PLCL1: variants seen among roughly 807,000 people sequenced by gnomAD.
PLCL1 encodes the protein phospholipase C like 1 (inactive).
Under a neutral mutation model 84.4 loss-of-function variants are expected in PLCL1, and 41 were observed. That is an observed-to-expected ratio of 0.49 (90% CI 0.38 to 0.63). The LOEUF is 0.63. Among genes scored for constraint, PLCL1 ranks in the 30% least tolerant of loss-of-function variants. The probability of loss-of-function intolerance (pLI) is 0.00; values close to 1 mark genes in which losing one functional copy is unlikely to be tolerated. For missense variants in PLCL1, 1,206 were observed against 1,367.8 expected (o/e 0.88, Z 1.87); for synonymous variants, 490 against 488.3 (o/e 1.00, Z -0.05).
intron 1 of PLCL1, among the ~76,000 whole-genome samples, chr2:197,952,260 T>C (rs1689403356): frequency 6.6e-6 from 1 of 152,186 alleles, no homozygotes; most frequent in South Asian, 2.1e-4. Context: ...TCTAGACTTT[T>C]AACTTTATTT....
intron 1 of PLCL1, among the ~76,000 whole-genome samples, chr2:198,053,947 CA>C (rs1357240840): frequency 1.3e-5 from 2 of 152,134 alleles, no homozygotes; most frequent in African/African-American, 2.4e-5. Context: ...ATTGCAGCTG[CA>C]GGAGTATTTA....
intron 1 of PLCL1, among the ~76,000 whole-genome samples, chr2:197,931,699 C>CCCAACCAA (rs376152574): frequency 1.6e-5 from 2 of 126,184 alleles, no homozygotes; most frequent in African/African-American, 3.1e-5. Context: ...CACCCACCCA[C>CCCAACCAA]CCAACCATCC....
chr2:197,825,078 T>C (rs1690902431), intron 1 of PLCL1, among the ~76,000 whole-genome samples: 1 of 152,166 alleles, frequency 6.6e-6, no homozygotes, highest in African/African-American at 2.4e-5. Flanking sequence ...TAGGTGTTTG[T>C]CACCTGCCAG....
At chr2:198,006,755 C>G (rs1690738162) in intron 1 of PLCL1, among the ~76,000 whole-genome samples, 1 of 152,160 alleles carries the variant, frequency 6.6e-6, no homozygotes, top group African/African-American at 2.4e-5. Flanking sequence ...GAGACTAGAG[C>G]ATTTTTCTTA....
At chr2:197,981,134 C>A (rs1289603262) in intron 1 of PLCL1, among the ~76,000 whole-genome samples, 2 of 152,196 alleles carry the variant, frequency 1.3e-5, no homozygotes, top group African/African-American at 4.8e-5. Flanking sequence ...ATACTCTACA[C>A]CTTAGTTCAC....
rs549370394 is a variant in PLCL1, at chr2:197,944,601, T to G, written c.241-139157T>G. Among the ~76,000 whole-genome samples the G allele has an allele frequency of 2.6e-5, 4 of 152,354 alleles. No homozygotes were observed. In the East Asian group the frequency reaches 7.7e-4, roughly 29 times the overall value. On this transcript the variant is annotated intron_variant, in intron 1 of 5. Transcript: ENST00000428675. The stretch of plus-strand genomic sequence containing the variant: ...TGTAAATACTTTCACTAGCATTGAT[T>G]TCAAGCTAAGAATGTGAGGTCACTG...
At chr2:197,896,109 T>C (rs987677602) in intron 1 of PLCL1, among the ~76,000 whole-genome samples, 3 of 152,046 alleles carry the variant, frequency 2.0e-5, no homozygotes, top group Non-Finnish European at 4.4e-5. Flanking sequence ...TTTGACCTAG[T>C]AGTCTCAGGC....
At chr2:197,841,175 C>T (rs1686993349) in intron 1 of PLCL1, among the ~76,000 whole-genome samples, 1 of 152,134 alleles carries the variant, frequency 6.6e-6, no homozygotes, top group African/African-American at 2.4e-5. Context: ...AAGCCAATAT[C>T]AATATATTGA....
At chr2:197,822,741 T>G (rs1395071103) in intron 1 of PLCL1, among the ~76,000 whole-genome samples, 1 of 152,206 alleles carries the variant, frequency 6.6e-6, no homozygotes, top group African/African-American at 2.4e-5. Flanking sequence ...TCAACACTGG[T>G]TGCTATGCCA....
chr2:197,918,288 AAAG>A (rs1688633555), intron 1 of PLCL1, among the ~76,000 whole-genome samples: 1 of 152,186 alleles, frequency 6.6e-6, no homozygotes, highest in Non-Finnish European at 1.5e-5. Context: ...AAAAACAGGA[AAAG>A]AATGAGAAAC....
chr2:197,866,618 A>G (rs1467045462), intron 1 of PLCL1, among the ~76,000 whole-genome samples: 1 of 151,992 alleles, frequency 6.6e-6, no homozygotes, highest in East Asian at 1.9e-4. Flanking sequence ...CCCTCATCTA[A>G]TAACTCTCTA....
chr2:198,108,631 T>C (rs1693546029), intron 5 of PLCL1, among the ~76,000 whole-genome samples: 1 of 149,586 alleles, frequency 6.7e-6, no homozygotes, highest in Non-Finnish European at 1.5e-5. Flanking sequence ...GAAAGAAAAA[T>C]GACTAACGAC....
At chr2:198,079,986 G>A (rs1251723610) in intron 1 of PLCL1, among the ~76,000 whole-genome samples, 1 of 152,164 alleles carries the variant, frequency 6.6e-6, no homozygotes, top group Non-Finnish European at 1.5e-5. Context: ...GCAGGAGTTG[G>A]GTGGAAGGGG....
At chr2:197,878,160 AC>A (rs1247065422) in intron 1 of PLCL1, among the ~76,000 whole-genome samples, 3 of 152,322 alleles carry the variant, frequency 2.0e-5, no homozygotes, top group African/African-American at 7.2e-5. Flanking sequence ...GAGATGCAAA[AC>A]TTTTATTTCC....
At chr2:198,055,955 A>G (rs1692061318) in intron 1 of PLCL1, among the ~76,000 whole-genome samples, 1 of 152,144 alleles carries the variant, frequency 6.6e-6, no homozygotes, top group Non-Finnish European at 1.5e-5. Context: ...CTGGAAGTCA[A>G]ATGGGGTGGG....
At chr2:197,843,558 T>G (rs942074770) in intron 1 of PLCL1, among the ~76,000 whole-genome samples, 2 of 152,166 alleles carry the variant, frequency 1.3e-5, no homozygotes, top group Non-Finnish European at 2.9e-5. Flanking sequence ...GGAAGCATGA[T>G]GAGAATCCAC....
chr2:197,890,747 T>TA (rs1187321039), intron 1 of PLCL1, among the ~76,000 whole-genome samples: 2 of 146,982 alleles, frequency 1.4e-5, no homozygotes, highest in African/African-American at 2.5e-5. Context: ...TATATATGTA[T>TA]ACGTATGTAT....
At chr2:198,056,363 C>T (rs1341882434) in intron 1 of PLCL1, among the ~76,000 whole-genome samples, 4 of 152,150 alleles carry the variant, frequency 2.6e-5, no homozygotes, top group African/African-American at 9.7e-5. Context: ...GATCGGAATG[C>T]AAACATCAGT....
At chr2:198,000,267 CTTATAT>C (rs1426071912) in intron 1 of PLCL1, among the ~76,000 whole-genome samples, 2 of 152,044 alleles carry the variant, frequency 1.3e-5, no homozygotes, top group Admixed American at 1.3e-4. Context: ...TTTGTTTGGA[CTTATAT>C]TTATTTTTAT....
Sources: gnomAD v4.1 joint callset for allele counts (sites outside exome capture counted in the v4.1 genomes callset) on GRCh38, gnomAD v4.1.1 for gene constraint, MANE v1.5 for transcripts, NCBI Gene and HGNC (gene_info 2026-07-23, HGNC 2026-07-21) for gene names.